The following EYS variants were observed in gnomAD, a reference collection of about 807,000 sequenced individuals.
EYS encodes the protein EGF-like photoreceptor maintenance factor.
In EYS, 250 loss-of-function variants were observed where a neutral mutation model predicts 282.1. The ratio of observed to expected loss-of-function variants is 0.89; its 90% CI spans 0.80 to 0.98. The LOEUF (loss-of-function observed/expected upper bound fraction) is 0.98, where lower values mean the gene tolerates loss of function less well. EYS is among the 50% of genes least tolerant of loss of function. The pLI, the probability that EYS is intolerant of heterozygous loss-of-function variation, is 0.00. For missense variants in EYS, 4,016 were observed against 3,709.0 expected, an observed-to-expected ratio of 1.08 and a Z score of -2.15; for synonymous variants, 1,355 against 1,282.9, an observed-to-expected ratio of 1.06 and a Z score of -1.20.
At chr6:65,389,747 T>C (rs1765941330) in intron 7 of EYS, among the ~76,000 whole-genome samples, 1 of 152,120 alleles carries the variant, frequency 6.6e-6, no homozygotes, top group African/African-American at 2.4e-5. Flanking sequence ...CAGTAATCAA[T>C]TATGAATTTG....
intron 22 of EYS, among the ~76,000 whole-genome samples, chr6:64,735,775 G>T (rs564680794): frequency 6.6e-6 from 1 of 152,176 alleles, no homozygotes; most frequent in East Asian, 1.9e-4. Context: ...GGCTATTGAT[G>T]AAGTTGTTAG....
At chr6:65,529,830 A>G (rs1767697630) in intron 2 of EYS, among the ~76,000 whole-genome samples, 1 of 152,178 alleles carries the variant, frequency 6.6e-6, no homozygotes, top group Admixed American at 6.5e-5. Context: ...GTGAGGACAC[A>G]GTGAGAATGC....
chr6:65,548,955 G>A (rs1430116801), intron 2 of EYS, among the ~76,000 whole-genome samples: 1 of 152,128 alleles, frequency 6.6e-6, no homozygotes, highest in Non-Finnish European at 1.5e-5. Context: ...TGGGAGGGGA[G>A]GGTGGTTTCA....
intron 15 of EYS, among the ~76,000 whole-genome samples, chr6:64,931,492 C>G (rs1247617821): frequency 2.0e-5 from 3 of 151,810 alleles, no homozygotes; most frequent in African/African-American, 4.8e-5. Context: ...AAGAGATGAT[C>G]AAAATAATCT....
chr6:64,381,019 A>C, intron 29 of EYS, among the ~76,000 whole-genome samples: 1 of 118,338 alleles, frequency 8.5e-6, no homozygotes, highest in African/African-American at 4.0e-5. Flanking sequence ...TCCATCTCAG[A>C]AAAAAAAAAA....
chr6:64,783,736 A>G (rs1188649276), intron 22 of EYS, among the ~76,000 whole-genome samples: 2 of 152,146 alleles, frequency 1.3e-5, no homozygotes, highest in Non-Finnish European at 2.9e-5. Flanking sequence ...CAAAGCTTTT[A>G]TCTTTCATTT....
chr6:63,787,994 G>T, intron 39 of EYS, 111 bp downstream of exon 39: 1 of 786,968 alleles, frequency 1.3e-6, no homozygotes, highest in South Asian at 2.3e-5. Flanking sequence ...GTTCAAGTCT[G>T]AAAGCAATCC....
intron 12 of EYS, among the ~76,000 whole-genome samples, chr6:65,219,191 A>C (rs1004278053): frequency 6.6e-6 from 1 of 152,170 alleles, no homozygotes; most frequent in Non-Finnish European, 1.5e-5. Context: ...ATTTCTGGAG[A>C]TGTTTAGACA....
chr6:64,902,913 T>G (rs1767712013), intron 16 of EYS, among the ~76,000 whole-genome samples: 1 of 152,124 alleles, frequency 6.6e-6, no homozygotes, highest in African/African-American at 2.4e-5. Flanking sequence ...ATGAAGCAAA[T>G]TATTTAATTG....
intron 37 of EYS, among the ~76,000 whole-genome samples, chr6:63,802,302 A>C (rs1770799976): frequency 6.6e-6 from 1 of 152,132 alleles, no homozygotes. Flanking sequence ...TACTTGCATA[A>C]GGAGGGGAAG....
intron 26 of EYS, among the ~76,000 whole-genome samples, chr6:64,583,550 C>G (rs892247704): frequency 6.6e-6 from 1 of 152,110 alleles, no homozygotes. Flanking sequence ...TATCCCAACA[C>G]TTTGGGAGGC....
chr6:64,584,694 G>T lies in EYS; in HGVS notation c.5644+5529C>A, dbSNP rs1766176843. On this transcript the variant is annotated intron_variant, in intron 26 of 42. Coordinates refer to ENST00000503581, the MANE Select transcript of EYS (RefSeq NM_001142800.2). The stretch of plus-strand genomic sequence containing the variant: ...TGCATATAGTTTTTATTTGCAAATT[G>T]TTTTACTGTTCTAGTGGTCAGCATT... Among the ~76,000 whole-genome samples, 3 of 152,032 alleles carry T rather than the reference G, an allele frequency of 2.0e-5. No homozygotes were observed. The South Asian group carries it at 6.2e-4, about 32-fold the overall frequency.
chr6:65,332,758 G>A (rs1769842033), intron 11 of EYS, among the ~76,000 whole-genome samples: 1 of 151,156 alleles, frequency 6.6e-6, no homozygotes, highest in Non-Finnish European at 1.5e-5. Context: ...AAGTCATCTA[G>A]CCATGAACAT....
intron 41 of EYS, among the ~76,000 whole-genome samples, chr6:63,733,138 C>T (rs868691868): frequency 5.9e-5 from 9 of 151,888 alleles, no homozygotes; most frequent in African/African-American, 1.5e-4. Context: ...TGTGACTGGA[C>T]GAGTGTTAAG....
chr6:65,697,394 G>A (rs936507035), intron 1 of EYS, among the ~76,000 whole-genome samples: 1 of 151,866 alleles, frequency 6.6e-6, no homozygotes, highest in African/African-American at 2.4e-5. Context: ...GATCATCAAG[G>A]CTTGAGTGAC....
At chr6:64,256,465 G>A (rs1020490606) in intron 30 of EYS, among the ~76,000 whole-genome samples, 2 of 152,014 alleles carry the variant, frequency 1.3e-5, no homozygotes, top group African/African-American at 4.8e-5. Context: ...ATACTGAAGA[G>A]GTAGTGCTTG....
At chr6:64,267,170 T>C (rs1453668897) in intron 30 of EYS, among the ~76,000 whole-genome samples, 1 of 152,168 alleles carries the variant, frequency 6.6e-6, no homozygotes, top group Admixed American at 6.6e-5. Context: ...GAAATTTATT[T>C]ATCCTAACTT....
At chr6:65,446,039 G>C (rs531113286) in intron 5 of EYS, among the ~76,000 whole-genome samples, 1 of 151,502 alleles carries the variant, frequency 6.6e-6, no homozygotes, top group African/African-American at 2.4e-5. Flanking sequence ...TTAACCCAGA[G>C]GTTTTTTTAA....
At chr6:64,370,390 T>A (rs1013717541) in intron 29 of EYS, among the ~76,000 whole-genome samples, 7 of 152,062 alleles carry the variant, frequency 4.6e-5, no homozygotes, top group African/African-American at 1.7e-4. Context: ...CATGGTGGAT[T>A]AGCTTTTTGA....
Sources: allele counts gnomAD v4.1 joint callset (sites outside exome capture counted in the v4.1 genomes callset), GRCh38; gene constraint gnomAD v4.1.1; transcripts MANE v1.5; gene names NCBI Gene and HGNC (gene_info 2026-07-23, HGNC 2026-07-21).